Variants in GAS7 observed in about 807,000 individuals in gnomAD.
The protein encoded by GAS7 is growth arrest-specific protein 7.
A neutral mutation model predicts 71.1 loss-of-function variants in GAS7; 28 were observed. The ratio of observed to expected loss-of-function variants is 0.39; its 90% CI spans 0.29 to 0.54. The LOEUF is 0.54. Among genes scored for constraint, GAS7 ranks in the 20% least tolerant of loss-of-function variants. The probability of loss-of-function intolerance (pLI) is 0.62; values close to 1 mark genes in which losing one functional copy is unlikely to be tolerated. For synonymous variants in GAS7, 258 were observed against 245.8 expected, an observed-to-expected ratio of 1.05 and a Z score of -0.46; for missense variants, 436 against 627.8, an observed-to-expected ratio of 0.69 and a Z score of 3.27.
At chr17:10,155,070 A>G (rs145216231) in intron 1 of GAS7, among the ~76,000 whole-genome samples, 1,990 of 151,584 alleles carry the variant, frequency 0.013, 33 homozygotes, top group African/African-American at 0.046. Flanking sequence ...TCTGGAGTGC[A>G]GTGGCACGAT....
chr17:9,969,798 G>T lies in GAS7; in HGVS notation c.386-36C>A. The T allele has an allele frequency of 7.5e-7, 1 of 1,337,146 alleles. No individual in the cohort carries two copies. The highest frequency in any genetic ancestry group is 1.1e-6 in the Non-Finnish European group (1 of 927,906). The allele number at this position is 1,337,146 out of a possible 1,614,324, so 82.8% of individuals were successfully genotyped here. ...AGAGACACGGCTCAGATGCTGTGTG[G>T]GCCACAGATGGGCACCCCCGCCTTT... On this transcript the variant is annotated intron_variant, in intron 3 of 13. Coordinates refer to ENST00000432992, the MANE Select transcript of GAS7 (RefSeq NM_201433.2). This position sits in a 1 kb window ranked among gnomAD's most constrained non-coding sequence, Gnocchi z 5.5.
intron 1 of GAS7, among the ~76,000 whole-genome samples, chr17:10,158,283 G>A (rs1353348727): frequency 6.7e-6 from 1 of 149,560 alleles, no homozygotes; most frequent in African/African-American, 2.5e-5. Context: ...AAAGCGCTGG[G>A]ATTACAGGCG....
intron 1 of GAS7, among the ~76,000 whole-genome samples, chr17:10,122,857 G>A (rs1332267823): frequency 6.6e-6 from 1 of 152,082 alleles, no homozygotes; most frequent in Non-Finnish European, 1.5e-5. Context: ...TTGAGACAGA[G>A]TCTCACTTTG....
chr17:10,013,376 G>T (rs2071857108), intron 2 of GAS7, among the ~76,000 whole-genome samples: 1 of 152,180 alleles, frequency 6.6e-6, no homozygotes, highest in South Asian at 2.1e-4. Flanking sequence ...CCCTGGATGG[G>T]GTAGGCTATT....
chr17:10,176,241 G>A (rs1214357776), intron 1 of GAS7, among the ~76,000 whole-genome samples: 1 of 152,208 alleles, frequency 6.6e-6, no homozygotes, highest in Non-Finnish European at 1.5e-5. Context: ...CTTAGGAGGA[G>A]GCCTCAGAAG....
At chr17:10,020,874 C>T (rs2072240606) in intron 1 of GAS7, among the ~76,000 whole-genome samples, 1 of 152,156 alleles carries the variant, frequency 6.6e-6, no homozygotes, top group South Asian at 2.1e-4. Context: ...GATCGCACCA[C>T]TGCACTCCAG....
chr17:9,925,531 C>G lies in GAS7; in HGVS notation c.1083G>C (p.Leu361=), dbSNP rs769877655. 6 of 1,614,190 alleles carry G rather than the reference C, an allele frequency of 3.7e-6. No homozygotes were observed. The South Asian group carries it at 6.6e-5, about 18-fold the overall frequency. The part of the protein sequence containing the change: ...EMKTQQLEIK[L]SNKTEEDIKK... Reference sequence around the variant, plus strand: ...TGATGTCCTCCTCTGTCTTGTTGCTCAGCTTGATCTCCAGCTGCTGGGTCT... The same window carrying G: ...TGATGTCCTCCTCTGTCTTGTTGCTGAGCTTGATCTCCAGCTGCTGGGTCT... Residue 361 remains leucine, a synonymous_variant, in exon 11 of 14, where the codon CTG becomes CTC. Transcript: ENST00000432992.
At chr17:10,142,011 G>A (rs1303419425) in intron 1 of GAS7, among the ~76,000 whole-genome samples, 2 of 151,804 alleles carry the variant, frequency 1.3e-5, no homozygotes, top group Admixed American at 6.6e-5. Flanking sequence ...GGCGGATCAC[G>A]AGGTCAGGAG....
chr17:10,170,748 C>T (rs558886262), intron 1 of GAS7, among the ~76,000 whole-genome samples: 2 of 152,302 alleles, frequency 1.3e-5, no homozygotes, highest in Non-Finnish European at 2.9e-5. Context: ...ACTGAACGAG[C>T]GTTTGTTCAG....
intron 1 of GAS7, among the ~76,000 whole-genome samples, chr17:10,107,781 A>G (rs563806761): frequency 1.3e-5 from 2 of 150,852 alleles, no homozygotes; most frequent in African/African-American, 4.9e-5. Flanking sequence ...CGCCTTACAC[A>G]CAGTCCAGTG....
chr17:10,033,512 G>A (rs1444113398), intron 1 of GAS7, among the ~76,000 whole-genome samples: 1 of 152,208 alleles, frequency 6.6e-6, no homozygotes, highest in Non-Finnish European at 1.5e-5. Flanking sequence ...AAGCAAGGGA[G>A]GGAGTCCAAA....
chr17:9,946,040 C>T (rs926481884), intron 6 of GAS7, among the ~76,000 whole-genome samples: 5 of 152,098 alleles, frequency 3.3e-5, no homozygotes, highest in African/African-American at 1.2e-4. Flanking sequence ...ATTTATTGTT[C>T]CTTGGAGTCT....
intron 1 of GAS7, among the ~76,000 whole-genome samples, chr17:10,173,561 G>A (rs1369267327): frequency 6.6e-6 from 1 of 152,008 alleles, no homozygotes; most frequent in Non-Finnish European, 1.5e-5. Context: ...AAGGTCAGGA[G>A]ATCAAGACCA....
At chr17:9,994,984 C>A (rs539726331) in intron 2 of GAS7, among the ~76,000 whole-genome samples, 1 of 152,166 alleles carries the variant, frequency 6.6e-6, no homozygotes, top group Admixed American at 6.5e-5. Flanking sequence ...CTATTCTCAC[C>A]GTGACGTGGC....
Position 10,026,112 on chromosome 17 carries a change from T to C in GAS7, c.184-6215A>G, listed in dbSNP as rs1174996033. On this transcript the variant is annotated intron_variant, in intron 1 of 13. Transcript: ENST00000432992. This position sits in a 1 kb window ranked among gnomAD's most constrained non-coding sequence, Gnocchi z 4.5. ...TGCCACCTCCACCTCCGGGACTCTC[T>C]CCCCCTCCGGAGGTTTCTGAGAACA... 12 of 956,214 alleles carry C rather than the reference T, an allele frequency of 1.3e-5. No individual in the cohort carries two copies. Among genetic ancestry groups the C allele is most frequent in the Non-Finnish European group, 1.5e-5 (12 of 803,504 alleles). The allele number at this position is 956,214 out of a possible 1,614,324, so 59.2% of individuals were successfully genotyped here.
intron 12 of GAS7, among the ~76,000 whole-genome samples, chr17:9,918,960 C>T (rs2067691825): frequency 6.6e-6 from 1 of 152,148 alleles, no homozygotes; most frequent in Non-Finnish European, 1.5e-5. Flanking sequence ...GGGAAGGCAG[C>T]TGGTTAGTCC....
intron 1 of GAS7, among the ~76,000 whole-genome samples, chr17:10,107,866 C>G (rs2073774373): frequency 1.3e-5 from 2 of 149,336 alleles, no homozygotes; most frequent in African/African-American, 5.0e-5. Context: ...TACACACAGT[C>G]CAGTAGGGGA....
intron 1 of GAS7, among the ~76,000 whole-genome samples, chr17:10,025,470 G>C (rs1206725942): frequency 6.6e-6 from 1 of 151,532 alleles, no homozygotes; most frequent in Non-Finnish European, 1.5e-5. Flanking sequence ...ATCACCGCCC[G>C]CGTCCAGGCC....
intron 1 of GAS7, among the ~76,000 whole-genome samples, chr17:10,069,876 C>G (rs1336460945): frequency 6.6e-6 from 1 of 152,170 alleles, no homozygotes; most frequent in Non-Finnish European, 1.5e-5. Context: ...AAAATAACCA[C>G]AACAAACACC....
Sources: allele counts gnomAD v4.1 joint callset (sites outside exome capture counted in the v4.1 genomes callset), GRCh38; gene constraint gnomAD v4.1.1; non-coding constraint Gnocchi (gnomAD v3.1); transcripts MANE v1.5; gene names NCBI Gene and HGNC (gene_info 2026-07-23, HGNC 2026-07-21).